Variants in IDO2 observed in about 807,000 individuals in gnomAD.
IDO2 encodes indoleamine 2,3-dioxygenase-like 1 protein.
Under a neutral mutation model 45.1 loss-of-function variants are expected in IDO2, and 46 were observed. That is an observed-to-expected ratio of 1.02 (90% CI 0.80 to 1.30). The LOEUF (loss-of-function observed/expected upper bound fraction) is 1.30, where lower values mean the gene tolerates loss of function less well. Among genes scored for constraint, IDO2 ranks in the 50% most tolerant of loss-of-function variants. IDO2 has a pLI of 0.00. For missense variants in IDO2, 544 were observed against 491.8 expected, an observed-to-expected ratio of 1.11 and a Z score of -1.00; for synonymous variants, 218 against 184.9, an observed-to-expected ratio of 1.18 and a Z score of -1.45.
At chr8:39,981,515 G>A (rs1808351678) in intron 4 of IDO2, among the ~76,000 whole-genome samples, 1 of 152,048 alleles carries the variant, frequency 6.6e-6, no homozygotes, top group African/African-American at 2.4e-5. Flanking sequence ...CCTCCCAGCT[G>A]TGCCCTGGTA....
chr8:40,005,509 A>G, intron 9 of IDO2, 131 bp downstream of exon 9: 1 of 479,534 alleles, frequency 2.1e-6, no homozygotes, highest in Non-Finnish European at 3.6e-6. Flanking sequence ...ATCCACTCTC[A>G]GGTAAAAGAA....
chr8:39,966,648 G>C (rs543300837), intron 3 of IDO2, among the ~76,000 whole-genome samples: 3 of 152,238 alleles, frequency 2.0e-5, no homozygotes, highest in African/African-American at 7.2e-5. Flanking sequence ...ATACCTATCT[G>C]TATCTTGAAA....
intron 8 of IDO2, among the ~76,000 whole-genome samples, chr8:40,004,264 C>G (rs1269306965): frequency 6.6e-6 from 1 of 152,128 alleles, no homozygotes; most frequent in Non-Finnish European, 1.5e-5. Context: ...ATGAGTCACC[C>G]AGGCTCATGG....
At chr8:39,945,583 G>C (rs1807716457) in intron 1 of IDO2, among the ~76,000 whole-genome samples, 1 of 152,132 alleles carries the variant, frequency 6.6e-6, no homozygotes, top group African/African-American at 2.4e-5. Flanking sequence ...AAAAGGGCTG[G>C]TTTCTGTTTA....
At chr8:39,971,539 C>T (rs940250271) in intron 3 of IDO2, among the ~76,000 whole-genome samples, 3 of 152,004 alleles carry the variant, frequency 2.0e-5, no homozygotes, top group African/African-American at 7.3e-5. Flanking sequence ...GATAATGATC[C>T]CTCTGAAGAA....
At chr8:39,974,325 C>T (rs1808226887) in intron 3 of IDO2, among the ~76,000 whole-genome samples, 1 of 152,184 alleles carries the variant, frequency 6.6e-6, no homozygotes, top group African/African-American at 2.4e-5. Context: ...GTAATCCATA[C>T]ATAGAGTTGG....
intron 8 of IDO2, among the ~76,000 whole-genome samples, chr8:39,990,435 T>G (rs1317761055): frequency 6.6e-6 from 1 of 152,144 alleles, no homozygotes; most frequent in Non-Finnish European, 1.5e-5. Context: ...AAGAGAGAGC[T>G]CCCGTGTATA....
chr8:39,943,431 G>T (rs1431263922), intron 1 of IDO2, among the ~76,000 whole-genome samples: 1 of 151,470 alleles, frequency 6.6e-6, no homozygotes, highest in African/African-American at 2.4e-5. Context: ...ATACCATAAA[G>T]GCCATATGTA....
intron 7 of IDO2, among the ~76,000 whole-genome samples, chr8:39,988,663 T>C (rs1166176289): frequency 6.6e-6 from 1 of 151,720 alleles, no homozygotes; most frequent in Non-Finnish European, 1.5e-5. Context: ...GTGATCTGCT[T>C]GCCTCAGCCT....
chr8:39,978,293 CG>C (rs1269136722), intron 3 of IDO2, among the ~76,000 whole-genome samples: 1 of 152,136 alleles, frequency 6.6e-6, no homozygotes, highest in Non-Finnish European at 1.5e-5. Flanking sequence ...GGGGACCACC[CG>C]GGAAGATCCA....
intron 2 of IDO2, among the ~76,000 whole-genome samples, 178 bp from the exon 3 acceptor site, chr8:39,963,430 T>C (rs1275667042): frequency 1.3e-5 from 2 of 152,230 alleles, no homozygotes; most frequent in Non-Finnish European, 1.5e-5. Context: ...ATATGCTCCT[T>C]AGTCATCTGT....
rs201510619 is a variant in IDO2 at position 39,941,294 on chromosome 8, T to TA, written c.-18+6081dup. On this transcript the variant is annotated intron_variant, in intron 1 of 10. Coordinates refer to ENST00000502986, the Ensembl canonical transcript of IDO2. ...GCGACAATACTCCCGGCTCTCTTTTTAAAAATGAGAAGTAGAAGTAGTGGT... is the reference window on the plus strand; with the variant it reads ...GCGACAATACTCCCGGCTCTCTTTTTAAAAAATGAGAAGTAGAAGTAGTGGT... Among the ~76,000 whole-genome samples the TA allele has an allele frequency of 9.3e-3, 1,417 of 151,574 alleles. 13 individuals carry two copies. The highest frequency in any genetic ancestry group is 0.016 in the Non-Finnish European group (1,100 of 67,916).
chr8:39,987,625 C>A (rs1808444386), intron 6 of IDO2: 2 of 449,714 alleles, frequency 4.4e-6, no homozygotes, highest in Admixed American at 3.3e-5. Flanking sequence ...GGTCCAGGAC[C>A]ATTAGGGCCA....
intron 8 of IDO2, among the ~76,000 whole-genome samples, chr8:39,995,723 G>A (rs1232888276): frequency 6.6e-6 from 1 of 152,182 alleles, no homozygotes; most frequent in African/African-American, 2.4e-5. Context: ...CTTTATTCCA[G>A]TATTATAATA....
At chr8:40,010,427 A>T (rs1802293712) in intron 9 of IDO2, among the ~76,000 whole-genome samples, 2 of 152,186 alleles carry the variant, frequency 1.3e-5, no homozygotes, top group Non-Finnish European at 2.9e-5. Flanking sequence ...TCTGAGTGAG[A>T]TGGACAACAC....
intron 1 of IDO2, among the ~76,000 whole-genome samples, chr8:39,939,996 A>G (rs1237146151): frequency 6.6e-6 from 1 of 151,982 alleles, no homozygotes; most frequent in Non-Finnish European, 1.5e-5. Context: ...AGAAATGGAT[A>G]CCTTGCTGTG....
At chr8:40,010,806 G>C (rs184285519) in intron 9 of IDO2, among the ~76,000 whole-genome samples, 1 of 152,138 alleles carries the variant, frequency 6.6e-6, no homozygotes, top group Non-Finnish European at 1.5e-5. Flanking sequence ...TTGGGGACAC[G>C]GTCATATCAA....
chr8:39,988,112 C>T (rs1331062955), intron 7 of IDO2, 142 bp downstream of exon 7: 1 of 564,242 alleles, frequency 1.8e-6, no homozygotes, highest in South Asian at 2.7e-5. Flanking sequence ...GAGAAGAGAT[C>T]TAAGCTCTAG....
chr8:39,973,108 A>G (rs2543058), intron 3 of IDO2, among the ~76,000 whole-genome samples: 52,071 of 151,934 alleles, frequency 0.34, 10,840 homozygotes, highest in African/African-American at 0.58. Context: ...TAAATAGATG[A>G]TGGATGATGT....
Sources: gnomAD v4.1 joint callset for allele counts (sites outside exome capture counted in the v4.1 genomes callset) on GRCh38, gnomAD v4.1.1 for gene constraint, MANE v1.5 for transcripts, NCBI Gene and HGNC (gene_info 2026-07-23, HGNC 2026-07-21) for gene names.